Variants in PTPRN2 observed in about 807,000 individuals in gnomAD.
PTPRN2 encodes the protein receptor-type tyrosine-protein phosphatase N2.
In PTPRN2, 74 loss-of-function variants were observed where a neutral mutation model predicts 118.8. The observed-to-expected ratio is 0.62, with a 90% confidence interval of 0.52 to 0.76. The LOEUF is 0.76. Ranked by LOEUF, PTPRN2 falls within the 30% of genes least tolerant of loss-of-function variation. The pLI is 0.00. For synonymous variants in PTPRN2, 641 were observed against 608.0 expected (o/e 1.05, Z -0.80); for missense variants, 1,481 against 1,394.4 (o/e 1.06, Z -0.99).
At chr7:158,241,289 A>T (rs111341660) in intron 3 of PTPRN2, among the ~76,000 whole-genome samples, 34,444 of 151,870 alleles carry the variant, frequency 0.23, 4,980 homozygotes, top group African/African-American at 0.38. Context: ...GCCAAGGGGG[A>T]GGATCACCTG....
At chr7:158,396,714 A>ATG (rs1491346782) in intron 2 of PTPRN2, among the ~76,000 whole-genome samples, 18 of 152,054 alleles carry the variant, frequency 1.2e-4, no homozygotes, top group African/African-American at 3.1e-4. Flanking sequence ...ACATGTGTGC[A>ATG]TGTGTGTGTG....
chr7:158,178,565 G>GTA lies in PTPRN2; in HGVS notation c.550-11276_550-11275dup, dbSNP rs1051282039. ...TCGTGGCTGAGTAGTATTCCATGGT[G>GTA]TATATATATACTACATTTTCTTTCT... On this transcript the variant is annotated intron_variant, in intron 5 of 22. Coordinates refer to ENST00000389418, the MANE Select transcript of PTPRN2 (RefSeq NM_002847.5). 7.1e-5 allele frequency among the ~76,000 whole-genome samples: 10 copies of GTA among 140,438 alleles called. No homozygotes were observed. In the South Asian group the frequency reaches 1.2e-3, roughly 17 times the overall value. 92.1% of individuals were successfully genotyped at this position (140,438 alleles called of 152,430 possible).
At position 157,869,902 on chromosome 7, in the gene PTPRN2, C is replaced by A. The variant is rs1000292945; in HGVS notation, c.1788+28771G>T. Among the ~76,000 whole-genome samples the A allele has an allele frequency of 5.9e-5, 9 of 152,194 alleles. No individual in the cohort carries two copies. The highest frequency in any genetic ancestry group is 8.8e-5 in the Non-Finnish European group (6 of 68,040). On this transcript the variant is annotated intron_variant, in intron 12 of 22. Coordinates refer to ENST00000389418, the MANE Select transcript of PTPRN2 (RefSeq NM_002847.5). The surrounding 1 kb of genome is among the most constrained non-coding windows in gnomAD (Gnocchi z 4.2). Reference sequence around the variant, plus strand: ...AAGTCAACATGCAAAATGCCTTGAGCATCCCAACATCTACTGCCATGACCT... The same window carrying A: ...AAGTCAACATGCAAAATGCCTTGAGAATCCCAACATCTACTGCCATGACCT...
chr7:157,783,081 C>G (rs1403999782), intron 12 of PTPRN2, among the ~76,000 whole-genome samples: 1 of 152,180 alleles, frequency 6.6e-6, no homozygotes, highest in African/African-American at 2.4e-5. Flanking sequence ...GGCTTTTCCC[C>G]CTTTGCTCGG....
chr7:158,510,373 G>A (rs1054908902), intron 1 of PTPRN2, among the ~76,000 whole-genome samples: 4 of 152,172 alleles, frequency 2.6e-5, no homozygotes, highest in Admixed American at 6.5e-5. Context: ...CTAAAGAAAT[G>A]AGTGAATTAA....
chr7:158,182,747 A>G (rs1468047863), intron 5 of PTPRN2, among the ~76,000 whole-genome samples: 1 of 152,226 alleles, frequency 6.6e-6, no homozygotes, highest in Admixed American at 6.5e-5. Context: ...TGTGCTCATG[A>G]GGAGAATGTA....
At chr7:157,796,843 G>A (rs541493864) in intron 12 of PTPRN2, among the ~76,000 whole-genome samples, 2 of 152,300 alleles carry the variant, frequency 1.3e-5, no homozygotes, top group East Asian at 3.9e-4. Context: ...ACAGCAAGGA[G>A]AGGGTGGTGC....
chr7:157,988,831 G>C (rs536008944), intron 11 of PTPRN2, among the ~76,000 whole-genome samples: 1 of 152,322 alleles, frequency 6.6e-6, no homozygotes, highest in African/African-American at 2.4e-5. Context: ...GGGCAGCATC[G>C]CCACACCCGT....
intron 5 of PTPRN2, among the ~76,000 whole-genome samples, chr7:158,177,940 C>T (rs1006560030): frequency 7.9e-5 from 12 of 152,174 alleles, no homozygotes; most frequent in South Asian, 2.1e-4. Flanking sequence ...ACTGTCAAGA[C>T]GTTTTCCAAA....
At chr7:158,002,214 T>G (rs1227246570) in intron 11 of PTPRN2, among the ~76,000 whole-genome samples, 3 of 152,178 alleles carry the variant, frequency 2.0e-5, no homozygotes, top group African/African-American at 7.2e-5. Context: ...GGCGTGGTCA[T>G]CAGGCGAGTG....
At chr7:158,205,033 C>T (rs947459677) in intron 4 of PTPRN2, 138 bp downstream of exon 4, 2 of 731,552 alleles carry the variant, frequency 2.7e-6, no homozygotes, top group South Asian at 4.1e-5. Context: ...TACAGACATC[C>T]TAACTTTCTG....
chr7:157,881,018 G>C lies in PTPRN2; in HGVS notation c.1788+17655C>G, dbSNP rs532930325. Among the ~76,000 whole-genome samples the C allele has an allele frequency of 6.6e-6, 1 of 152,178 alleles. No individual in the cohort carries two copies. Among genetic ancestry groups the C allele is most frequent in the African/African-American group, 2.4e-5 (1 of 41,446 alleles). On this transcript the variant is annotated intron_variant, in intron 12 of 22. Coordinates refer to ENST00000389418, the MANE Select transcript of PTPRN2 (RefSeq NM_002847.5). This position sits in a 1 kb window ranked among gnomAD's most constrained non-coding sequence, Gnocchi z 4.7. ...GGGAAGCTCTAATCCCAGAACTTCC[G>C]AATGTGACTGTATGTGGAGATGGAG...
chr7:158,584,943 GC>G (rs2129452920), intron 1 of PTPRN2, among the ~76,000 whole-genome samples: 1 of 152,320 alleles, frequency 6.6e-6, no homozygotes, highest in East Asian at 1.9e-4. Context: ...TAACAGAGGA[GC>G]AAAAACTTGG....
intron 14 of PTPRN2, among the ~76,000 whole-genome samples, chr7:157,633,434 C>T (rs780932650): frequency 1.1e-4 from 17 of 152,356 alleles, no homozygotes; most frequent in Non-Finnish European, 1.6e-4. Context: ...TGAGCTACAA[C>T]GCCTGGCCTC....
intron 11 of PTPRN2, among the ~76,000 whole-genome samples, chr7:157,982,614 C>G (rs1389236005): frequency 6.9e-6 from 1 of 144,756 alleles, no homozygotes; most frequent in African/African-American, 2.6e-5. Context: ...CAGGGTCCCC[C>G]CTAAACCCCG....
At chr7:158,040,423 C>T (rs1220906096) in intron 11 of PTPRN2, among the ~76,000 whole-genome samples, 1 of 151,720 alleles carries the variant, frequency 6.6e-6, no homozygotes, top group Non-Finnish European at 1.5e-5. Context: ...CACAAACACA[C>T]TGCACATGCA....
chr7:157,984,270 C>CAT (rs1554507046), intron 11 of PTPRN2, among the ~76,000 whole-genome samples: 2 of 9,376 alleles, frequency 2.1e-4, no homozygotes, highest in East Asian at 3.6e-3. Flanking sequence ...AGGCTCCACC[C>CAT]CCCACGCCAG....
At chr7:158,010,941 T>G (rs1003578074) in intron 11 of PTPRN2, among the ~76,000 whole-genome samples, 2 of 152,224 alleles carry the variant, frequency 1.3e-5, no homozygotes, top group African/African-American at 4.8e-5. Context: ...AGCCCCATTT[T>G]AACAAGATCT....
intron 2 of PTPRN2, among the ~76,000 whole-genome samples, chr7:158,361,484 C>T (rs1808956463): frequency 6.6e-6 from 1 of 152,206 alleles, no homozygotes; most frequent in East Asian, 1.9e-4. Flanking sequence ...CTCTTTTGCT[C>T]TTTCTTGCTG....
Sources: gnomAD v4.1 joint callset for allele counts (sites outside exome capture counted in the v4.1 genomes callset) on GRCh38, gnomAD v4.1.1 for gene constraint, Gnocchi (gnomAD v3.1) non-coding constraint, MANE v1.5 for transcripts, NCBI Gene and HGNC (gene_info 2026-07-23, HGNC 2026-07-21) for gene names.